The following TIAM1 variants were observed in gnomAD, a reference collection of about 807,000 sequenced individuals.
TIAM1 encodes the protein rho guanine nucleotide exchange factor TIAM1.
TIAM1 carries 65 observed loss-of-function variants against 163.5 expected under a neutral mutation model. That is an observed-to-expected ratio of 0.40 (90% CI 0.33 to 0.49). TIAM1 has a LOEUF of 0.49. TIAM1 is among the 20% of genes least tolerant of loss of function. The probability of loss-of-function intolerance (pLI) is 0.77; values close to 1 mark genes in which losing one functional copy is unlikely to be tolerated. For synonymous variants in TIAM1, 833 were observed against 810.1 expected (o/e 1.03, Z -0.48); for missense variants, 1,789 against 2,044.7 (o/e 0.87, Z 2.41).
chr21:31,334,321 G>A (rs1450861612), intron 2 of TIAM1, among the ~76,000 whole-genome samples: 1 of 145,206 alleles, frequency 6.9e-6, no homozygotes, highest in African/African-American at 2.6e-5. Context: ...ATCTCACTCT[G>A]TTGCCCAGGC....
chr21:31,364,271 T>G (rs758617589), intron 2 of TIAM1, among the ~76,000 whole-genome samples: 1 of 152,112 alleles, frequency 6.6e-6, no homozygotes, highest in African/African-American at 2.4e-5. Context: ...ATAAAAAGCA[T>G]CCCAGGTGGA....
In TIAM1 at chr21:31,326,434, T is replaced by C. The variant is rs539972593; in HGVS notation, c.-189+12809A>G. 2.5e-4 allele frequency among the ~76,000 whole-genome samples: 38 copies of C among 152,272 alleles called. 1 individual carries two copies. Among genetic ancestry groups the C allele is most frequent in the Middle Eastern group, 3.4e-3 (1 of 294 alleles). ...TTCAAAGGAACTTCCTGCCTATCTG[T>C]ATCCCAAACTAAAAAGATAGAAAGA... is the stretch of plus-strand genomic sequence containing the variant. On this transcript the variant is annotated intron_variant, in intron 2 of 27. Coordinates refer to ENST00000541036, the MANE Select transcript of TIAM1 (RefSeq NM_001353694.2).
chr21:31,427,672 T>A (rs522777), intron 2 of TIAM1, among the ~76,000 whole-genome samples: 19,033 of 151,002 alleles, frequency 0.13, 1,361 homozygotes, highest in East Asian at 0.3. Context: ...AAATTTTTTT[T>A]AAAAAATTAA....
intron 27 of TIAM1, 69 bp downstream of exon 27, chr21:31,124,453 C>T (rs755178818): frequency 6.3e-7 from 1 of 1,592,204 alleles, no homozygotes; most frequent in Non-Finnish European, 8.5e-7. Flanking sequence ...ACAAGGAGGT[C>T]AAGCTCACTG....
intron 17 of TIAM1, among the ~76,000 whole-genome samples, chr21:31,153,712 C>CATAT (rs10547949): frequency 0.02 from 3,001 of 150,256 alleles, 89 homozygotes; most frequent in African/African-American, 0.058. Context: ...ACAACACATA[C>CATAT]ATATATATAT....
At chr21:31,415,061 G>A (rs1437939862) in intron 2 of TIAM1, among the ~76,000 whole-genome samples, 1 of 152,170 alleles carries the variant, frequency 6.6e-6, no homozygotes, top group Non-Finnish European at 1.5e-5. Context: ...AACACTGAGT[G>A]TCTCCTTACA....
chr21:31,119,653 T>C lies in TIAM1; in HGVS notation c.*715A>G, dbSNP rs1013861561. 4 of 152,572 alleles carry C rather than the reference T, an allele frequency of 2.6e-5. No individual in the cohort carries two copies. Among genetic ancestry groups the C allele is most frequent in the Admixed American group, 6.6e-5 (1 of 15,262 alleles). The allele number at this position is 152,572 out of a possible 1,614,324, so 9.5% of individuals were successfully genotyped here. Reference sequence around the variant, plus strand: ...ATTCTCATCTATTTGTGCCCCTGTATCTCAGGTAAAATACAAAAAATAGTG... The same window carrying C: ...ATTCTCATCTATTTGTGCCCCTGTACCTCAGGTAAAATACAAAAAATAGTG... On this transcript the variant is annotated 3_prime_UTR_variant, in exon 28 of 28. Coordinates refer to ENST00000541036, the MANE Select transcript of TIAM1 (RefSeq NM_001353694.2).
chr21:31,199,283 A>G (rs2086058067), intron 12 of TIAM1, among the ~76,000 whole-genome samples: 1 of 152,114 alleles, frequency 6.6e-6, no homozygotes, highest in Non-Finnish European at 1.5e-5. Context: ...TCATCTTCTC[A>G]TGCCCTATGG....
At chr21:31,427,370 C>T (rs1569321660) in intron 2 of TIAM1, among the ~76,000 whole-genome samples, 1 of 151,876 alleles carries the variant, frequency 6.6e-6, no homozygotes, top group Non-Finnish European at 1.5e-5. Context: ...GCCTGTAGTC[C>T]CAGCTACTCG....
At chr21:31,236,685 T>C (rs763303102) in intron 6 of TIAM1, among the ~76,000 whole-genome samples, 1 of 152,030 alleles carries the variant, frequency 6.6e-6, no homozygotes, top group Non-Finnish European at 1.5e-5. Context: ...AGAATTGATG[T>C]TGAGGGTTTA....
intron 12 of TIAM1, among the ~76,000 whole-genome samples, chr21:31,202,187 G>A (rs1279876362): frequency 2.6e-5 from 4 of 151,970 alleles, no homozygotes; most frequent in Admixed American, 6.6e-5. Context: ...CATGGCTACG[G>A]ATGTCACACA....
chr21:31,246,939 T>C (rs2071533279), intron 5 of TIAM1, among the ~76,000 whole-genome samples: 1 of 152,190 alleles, frequency 6.6e-6, no homozygotes, highest in Non-Finnish European at 1.5e-5. Flanking sequence ...GTCTCCATAA[T>C]TTAGGAGTCT....
intron 2 of TIAM1, among the ~76,000 whole-genome samples, chr21:31,382,474 A>G (rs1235661543): frequency 6.6e-6 from 1 of 152,224 alleles, no homozygotes; most frequent in Non-Finnish European, 1.5e-5. Context: ...CCACACTCCT[A>G]TGTATCTCAT....
chr21:31,545,110 G>A (rs537253068), intron 1 of TIAM1, among the ~76,000 whole-genome samples: 2 of 152,274 alleles, frequency 1.3e-5, no homozygotes, highest in African/African-American at 2.4e-5. Flanking sequence ...GTTAAGAAGA[G>A]GTCATACTGA....
chr21:31,494,439 C>T (rs906744215), intron 1 of TIAM1, among the ~76,000 whole-genome samples: 1 of 152,202 alleles, frequency 6.6e-6, no homozygotes, highest in Admixed American at 6.5e-5. Context: ...GCTGAACAAA[C>T]ACTCCAGGAA....
intron 1 of TIAM1, among the ~76,000 whole-genome samples, chr21:31,466,937 G>A (rs1210334104): frequency 6.6e-6 from 1 of 151,280 alleles, no homozygotes; most frequent in African/African-American, 2.4e-5. Context: ...TTTTCAAAGT[G>A]GCCTTGTAAT....
intron 1 of TIAM1, among the ~76,000 whole-genome samples, chr21:31,465,842 T>A (rs1489650627): frequency 2.6e-5 from 4 of 151,936 alleles, no homozygotes; most frequent in Non-Finnish European, 1.5e-5. Flanking sequence ...AAGTGCTGGG[T>A]TTACCGGCGT....
chr21:31,523,402 G>C (rs1345776900), intron 1 of TIAM1, among the ~76,000 whole-genome samples: 1 of 152,188 alleles, frequency 6.6e-6, no homozygotes, highest in African/African-American at 2.4e-5. Flanking sequence ...CAAGTCATAT[G>C]CACCACTCAT....
intron 16 of TIAM1, among the ~76,000 whole-genome samples, chr21:31,158,489 T>C (rs1008237162): frequency 3.3e-5 from 5 of 152,164 alleles, no homozygotes; most frequent in African/African-American, 1.2e-4. Context: ...TCCAGATGGA[T>C]GTAATCTCTT....
Sources: allele counts gnomAD v4.1 joint callset (sites outside exome capture counted in the v4.1 genomes callset), GRCh38; gene constraint gnomAD v4.1.1; transcripts MANE v1.5; gene names NCBI Gene and HGNC (gene_info 2026-07-23, HGNC 2026-07-21).